Variants in MLLT10 observed in about 807,000 individuals in gnomAD.
The protein encoded by MLLT10 is MLLT10 histone lysine methyltransferase DOT1L cofactor, also known as protein AF-10.
MLLT10 carries 30 observed loss-of-function variants against 129.1 expected under a neutral mutation model. The ratio of observed to expected loss-of-function variants is 0.23; its 90% CI spans 0.17 to 0.32. MLLT10 has a LOEUF of 0.32. Ranked by LOEUF, MLLT10 falls within the 10% of genes least tolerant of loss-of-function variation. The pLI is 1.00. For missense variants in MLLT10, 1,119 were observed against 1,268.3 expected (o/e 0.88, Z 1.79); for synonymous variants, 490 against 446.4 (o/e 1.10, Z -1.23).
At chr10:21,564,291 A>G (rs150052171) in intron 3 of MLLT10, among the ~76,000 whole-genome samples, 4,296 of 152,082 alleles carry the variant, frequency 0.028, 204 homozygotes, top group African/African-American at 0.097. Flanking sequence ...GGGTCTTGCT[A>G]TGTTGCTCAG....
intron 5 of MLLT10, among the ~76,000 whole-genome samples, chr10:21,605,099 A>G (rs11012750): frequency 0.23 from 35,070 of 151,566 alleles, 5,117 homozygotes; most frequent in Middle Eastern, 0.46. Flanking sequence ...AAAAAAAAAA[A>G]AAAGAAAGAA....
intron 21 of MLLT10, among the ~76,000 whole-genome samples, chr10:21,736,765 A>G (rs904549333): frequency 6.6e-6 from 1 of 152,170 alleles, no homozygotes; most frequent in Non-Finnish European, 1.5e-5. Context: ...TACAAGTCAA[A>G]TGGAGATAAG....
intron 16 of MLLT10, among the ~76,000 whole-genome samples, chr10:21,728,550 A>G (rs1161201444): frequency 6.6e-6 from 1 of 152,114 alleles, no homozygotes; most frequent in Non-Finnish European, 1.5e-5. Flanking sequence ...GGGAGAATGG[A>G]ACTTTGGTGA....
chr10:21,733,140 AT>A, intron 18 of MLLT10, 53 bp downstream of exon 18: 1 of 1,505,226 alleles, frequency 6.6e-7, no homozygotes, highest in Non-Finnish European at 9.0e-7. Flanking sequence ...TTTCAGTTTT[AT>A]TTGTATTATA....
chr10:21,534,143 A>C, upstream of MLLT10: 1 of 344,428 alleles, frequency 2.9e-6, no homozygotes, highest in Middle Eastern at 7.8e-4. Context: ...CCCCGGAGGT[A>C]GGCCGGGGGC....
chr10:21,717,801 C>T (rs547217425), intron 14 of MLLT10, among the ~76,000 whole-genome samples: 10 of 125,448 alleles, frequency 8.0e-5, no homozygotes, highest in African/African-American at 9.9e-5. Flanking sequence ...TTCTTCTTCT[C>T]CTTCTTCTTC....
intron 13 of MLLT10, among the ~76,000 whole-genome samples, chr10:21,694,818 GTTCTCTGCTTAGTGTC>G: frequency 6.6e-6 from 1 of 152,250 alleles, no homozygotes; most frequent in East Asian, 1.9e-4. Context: ...GGTTGGCTGG[GTTCTCTGCTTAGTGTC>G]TTGCAAGGCT....
chr10:21,603,369 A>T (rs920097610), intron 5 of MLLT10, among the ~76,000 whole-genome samples: 5 of 151,868 alleles, frequency 3.3e-5, no homozygotes, highest in Admixed American at 3.3e-4. Flanking sequence ...GCTGGCCTTG[A>T]TCAATTTCTT....
intron 22 of MLLT10, among the ~76,000 whole-genome samples, chr10:21,741,009 A>T (rs1442104010): frequency 6.6e-6 from 1 of 152,208 alleles, no homozygotes; most frequent in African/African-American, 2.4e-5. Flanking sequence ...TTGGCAAATG[A>T]GTGTTCAAAG....
chr10:21,737,846 CCTTT>C (rs564605202), intron 21 of MLLT10, among the ~76,000 whole-genome samples: 86 of 152,208 alleles, frequency 5.7e-4, no homozygotes, highest in Middle Eastern at 3.4e-3. Flanking sequence ...AGGCTGACAT[CCTTT>C]CTAAGTATAT....
intron 3 of MLLT10, chr10:21,557,332 T>TAAAAGATCCACGTACAAGA (rs1456058085): frequency 6.1e-6 from 2 of 329,668 alleles, no homozygotes; most frequent in Non-Finnish European, 9.3e-6. Flanking sequence ...ACTCTTAACA[T>TAAAAGATCCACGTACAAGA]AAAAGATCCA....
chr10:21,724,834 T>TAA (rs2057367879), intron 14 of MLLT10, among the ~76,000 whole-genome samples: 1 of 152,344 alleles, frequency 6.6e-6, no homozygotes, highest in East Asian at 1.9e-4. Flanking sequence ...TTCATCTGTT[T>TAA]AAGGGTTCAT....
chr10:21,589,935 C>G lies in MLLT10; in HGVS notation c.295+3587C>G, dbSNP rs113813236. ...CCTTCCCCTTCCCCTTTGTCTGTCT[C>G]TCTCTCTCTTTCTTTTTTAACAGTG... On this transcript the variant is annotated intron_variant, in intron 4 of 22. Coordinates refer to ENST00000307729, the MANE Select transcript of MLLT10 (RefSeq NM_001195626.3). 1.1e-4 allele frequency among the ~76,000 whole-genome samples: 16 copies of G among 151,624 alleles called. 1 individual carries two copies. The highest frequency in any genetic ancestry group is 2.4e-4 in the African/African-American group (10 of 41,296).
chr10:21,706,250 G>A (rs2055484411), intron 13 of MLLT10, among the ~76,000 whole-genome samples: 1 of 152,180 alleles, frequency 6.6e-6, no homozygotes, highest in Non-Finnish European at 1.5e-5. Context: ...GATGGGCACT[G>A]TTTGTCAGAT....
intron 8 of MLLT10, among the ~76,000 whole-genome samples, chr10:21,623,092 T>C (rs2046058341): frequency 6.6e-6 from 1 of 152,202 alleles, no homozygotes; most frequent in African/African-American, 2.4e-5. Flanking sequence ...CTCCAGGTGC[T>C]CCACCCACAC....
intron 8 of MLLT10, among the ~76,000 whole-genome samples, chr10:21,651,042 GTTTTGTTTTGT>G (rs1416762545): frequency 9.6e-5 from 1 of 10,390 alleles, no homozygotes; most frequent in Non-Finnish European, 2.9e-4. Flanking sequence ...TGGTTGTGTT[GTTTTGTTTTGT>G]TTTGTTTTGT....
At chr10:21,617,085 T>C (rs1439535133) in intron 7 of MLLT10, 27 bp from the exon 8 acceptor site, 1 of 1,154,258 alleles carries the variant, frequency 8.7e-7, no homozygotes, top group Non-Finnish European at 1.2e-6. Flanking sequence ...TACATATACA[T>C]ATATGTATAT....
chr10:21,703,326 C>T (rs1388517308), intron 13 of MLLT10, among the ~76,000 whole-genome samples: 2 of 151,544 alleles, frequency 1.3e-5, no homozygotes, highest in African/African-American at 4.9e-5. Flanking sequence ...AATATATCAT[C>T]CCCTTCTATG....
At chr10:21,536,428 A>G (rs1337982196) in intron 2 of MLLT10, among the ~76,000 whole-genome samples, 7 of 152,224 alleles carry the variant, frequency 4.6e-5, no homozygotes, top group African/African-American at 1.2e-4. Context: ...GATAATTTCT[A>G]TGTCCCAATA....
Sources: allele counts gnomAD v4.1 joint callset (sites outside exome capture counted in the v4.1 genomes callset), GRCh38; gene constraint gnomAD v4.1.1; transcripts MANE v1.5; gene names NCBI Gene and HGNC (gene_info 2026-07-23, HGNC 2026-07-21).